Variants in TMC2 observed in about 807,000 individuals in gnomAD.
The protein encoded by TMC2 is transmembrane channel-like protein 2.
A neutral mutation model predicts 105.9 loss-of-function variants in TMC2; 102 were observed. The ratio of observed to expected loss-of-function variants is 0.96; its 90% CI spans 0.82 to 1.14. The LOEUF is 1.14. Ranked by LOEUF, TMC2 falls within the 50% of genes most tolerant of loss-of-function variation. The probability of loss-of-function intolerance (pLI) is 0.00; values close to 1 mark genes in which losing one functional copy is unlikely to be tolerated. For missense variants in TMC2, 1,093 were observed against 1,134.3 expected, an observed-to-expected ratio of 0.96 and a Z score of 0.52; for synonymous variants, 402 against 422.8, an observed-to-expected ratio of 0.95 and a Z score of 0.60.
intron 16 of TMC2, among the ~76,000 whole-genome samples, chr20:2,622,554 C>G (rs2086532990): frequency 6.6e-6 from 1 of 152,068 alleles, no homozygotes; most frequent in Admixed American, 6.6e-5. Context: ...TGTAATCCAC[C>G]AGGCATTGTG....
In TMC2 at chr20:2,594,898, G is replaced by A. The variant is rs138292313; in HGVS notation, c.1007G>A (p.Arg336Gln). The change falls in exon 9 of 20, where the codon CGG (arginine) becomes CAG (glutamine). Residue 336 changes from arginine to glutamine, a missense_variant. By Grantham distance (43) the Arg-to-Gln change is conservative. Transcript: ENST00000358864. Reference sequence around the variant, plus strand: ...AGGACCATCGGGTGGCTGAGGTACCGGCTGCCTATGGCTTACTTTATGGTG... The same window carrying A: ...AGGACCATCGGGTGGCTGAGGTACCAGCTGCCTATGGCTTACTTTATGGTG... ...NQRTIGWLRY[R>Q]LPMAYFMVGV... 84 of 1,613,976 alleles carry A rather than the reference G, an allele frequency of 5.2e-5. No individual in the cohort carries two copies. Among genetic ancestry groups the A allele is most frequent in the African/African-American group, 2.0e-4 (15 of 74,900 alleles).
Position 2,616,104 on chromosome 20 carries a change from TCTC to T in TMC2, c.1873-32_1873-30del. ...TTCACCAAACGTGCTTTTTTTTTTC[TCTC>T]TCTCTCTCGCTCCCTCCCTCCCTCT... On this transcript the variant is annotated intron_variant, in intron 14 of 19. Coordinates refer to ENST00000358864, the MANE Select transcript of TMC2 (RefSeq NM_080751.3). This position sits in a 1 kb window ranked among gnomAD's most constrained non-coding sequence, Gnocchi z 4.8. The T allele has an allele frequency of 6.5e-7, 1 of 1,537,252 alleles. No individual in the cohort carries two copies. The highest frequency in any genetic ancestry group is 1.7e-5 in the Admixed American group (1 of 58,596).
chr20:2,559,225 G>T (rs1382303985), intron 3 of TMC2, among the ~76,000 whole-genome samples: 1 of 152,344 alleles, frequency 6.6e-6, no homozygotes, highest in Non-Finnish European at 1.5e-5. Flanking sequence ...CCTCGTTCCG[G>T]CTTCCGGATC....
Position 2,579,970 on chromosome 20 carries a change from G to C in TMC2, c.748G>C (p.Ala250Pro). ...TCTAGGTCACTTTGGTTCTTCAGTG[G>C]CATCGTATTTCATCTTTCTCCGATG... ...DIESHFGSSV[A>P]SYFIFLRWMY... The change falls in exon 7 of 20, where the codon GCA (alanine) becomes CCA (proline). Residue 250 changes from alanine (A) to proline (P), a missense_variant. Ala to Pro is a conservative substitution (Grantham distance 27, BLOSUM62 -1). Coordinates refer to ENST00000358864, the MANE Select transcript of TMC2 (RefSeq NM_080751.3). The C allele has an allele frequency of 6.2e-7, 1 of 1,613,698 alleles. No homozygotes were observed. Among genetic ancestry groups the C allele is most frequent in the Middle Eastern group, 1.7e-4 (1 of 6,060 alleles).
At chr20:2,623,037 G>T (rs75298178) in intron 16 of TMC2, among the ~76,000 whole-genome samples, 1 of 151,956 alleles carries the variant, frequency 6.6e-6, no homozygotes, top group Non-Finnish European at 1.5e-5. Flanking sequence ...ACATCCAATA[G>T]AACTTACTGT....
intron 2 of TMC2, among the ~76,000 whole-genome samples, chr20:2,546,207 T>C (rs1278203788): frequency 6.6e-6 from 1 of 152,144 alleles, no homozygotes; most frequent in Non-Finnish European, 1.5e-5. Context: ...TTGAGTTCAG[T>C]TACCCAGGAA....
Position 2,594,140 on chromosome 20 carries a change from A to T in TMC2, c.934-685A>T, listed in dbSNP as rs367705477. Among the ~76,000 whole-genome samples the T allele has an allele frequency of 1.1e-4, 16 of 151,412 alleles. 1 individual carries two copies. Among genetic ancestry groups the T allele is most frequent in the Admixed American group, 9.2e-4 (14 of 15,196 alleles). On this transcript the variant is annotated intron_variant, in intron 8 of 19. Transcript: ENST00000358864. ...CCCACAGCAAGTCATTGCTGCTGCC[A>T]TCCTTCACTCTCAAAGTCAGATTGG...
At chr20:2,640,468 C>G (rs1314629579) in intron 19 of TMC2, among the ~76,000 whole-genome samples, 1 of 152,162 alleles carries the variant, frequency 6.6e-6, no homozygotes, top group Non-Finnish European at 1.5e-5. Context: ...ACACAAAGTC[C>G]AAACTGGGTG....
chr20:2,636,213 G>T (rs745625173), intron 18 of TMC2, among the ~76,000 whole-genome samples: 5 of 152,118 alleles, frequency 3.3e-5, no homozygotes, highest in African/African-American at 4.8e-5. Flanking sequence ...TGACAATAAT[G>T]ACTTAAATTT....
chr20:2,593,241 G>C (rs1023414377), intron 8 of TMC2, among the ~76,000 whole-genome samples: 2 of 152,136 alleles, frequency 1.3e-5, no homozygotes, highest in Admixed American at 6.5e-5. Flanking sequence ...CATGAGAACA[G>C]CATGGGGGAA....
Position 2,641,489 on chromosome 20 carries a change from G to A in TMC2, c.*138G>A. 1.6e-6 allele frequency: 1 copy of A among 621,790 alleles called. No homozygotes were observed. Among genetic ancestry groups the A allele is most frequent in the Non-Finnish European group, 2.8e-6 (1 of 353,148 alleles). 38.5% of individuals were successfully genotyped at this position (621,790 alleles called of 1,614,324 possible). A position where few individuals can be genotyped will look rare whatever the true frequency, so the allele number is the denominator to read the frequency against. On this transcript the variant is annotated 3_prime_UTR_variant, in exon 20 of 20. Coordinates refer to ENST00000358864, the MANE Select transcript of TMC2 (RefSeq NM_080751.3). Reference sequence around the variant, plus strand: ...TCCTCTCTTGGAATGCATGAACTTTGATTCCTTCAGGCCCTTGTCAGCTAC... The same window carrying A: ...TCCTCTCTTGGAATGCATGAACTTTAATTCCTTCAGGCCCTTGTCAGCTAC...
At chr20:2,612,466 A>G (rs2146239829) in intron 13 of TMC2, 126 bp downstream of exon 13, 1 of 941,602 alleles carries the variant, frequency 1.1e-6, no homozygotes, top group Non-Finnish European at 1.5e-6. Context: ...AACATTTCAT[A>G]ATCATCTAGG....
chr20:2,606,891 CTTTTTTTTTTTT>C (rs11476357), intron 11 of TMC2, among the ~76,000 whole-genome samples: 1 of 83,980 alleles, frequency 1.2e-5, no homozygotes, highest in South Asian at 4.0e-4. Context: ...TTTCTTTTTT[CTTTTTTTTTTTT>C]TTTTTTTGCA....
At chr20:2,634,280 C>G (rs1020056635) in intron 17 of TMC2, among the ~76,000 whole-genome samples, 1 of 152,172 alleles carries the variant, frequency 6.6e-6, no homozygotes, top group African/African-American at 2.4e-5. Context: ...CCTTCAGCAC[C>G]CTCTCTGGTA....
intron 17 of TMC2, among the ~76,000 whole-genome samples, chr20:2,625,221 A>G (rs79203007): frequency 0.025 from 3,785 of 152,310 alleles, 68 homozygotes; most frequent in Non-Finnish European, 0.038. Context: ...ATGCTTTTTT[A>G]AAAATTATGA....
At position 2,537,290 on chromosome 20, in the gene TMC2, G is replaced by A. The variant is rs373055246; in HGVS notation, c.56G>A (p.Arg19Gln). 75 of 1,604,046 alleles carry A rather than the reference G, an allele frequency of 4.7e-5. No homozygotes were observed. Among genetic ancestry groups the A allele is most frequent in the East Asian group, 2.7e-4 (12 of 44,488 alleles). ...KEEARGGVKG[R>Q]VKSGSPHTGD... The stretch of plus-strand genomic sequence containing the variant: ...ACAGCACGAGGCGGAGTGAAAGGGC[G>A]GGTGAAGAGCGGCTCTCCACACACA... The change falls in exon 2 of 20, where the codon CGG becomes CAG. Residue 19 changes from arginine (R) to glutamine (Q), a missense_variant. Arg to Gln is a conservative substitution (Grantham distance 43, BLOSUM62 1). Coordinates refer to ENST00000358864, the MANE Select transcript of TMC2 (RefSeq NM_080751.3).
chr20:2,599,049 G>T (rs866989739), intron 10 of TMC2, among the ~76,000 whole-genome samples: 1 of 152,024 alleles, frequency 6.6e-6, no homozygotes, highest in Non-Finnish European at 1.5e-5. Context: ...GGTTGGGTTT[G>T]CATATTTAAA....
intron 7 of TMC2, among the ~76,000 whole-genome samples, chr20:2,590,366 A>T (rs1430449217): frequency 6.6e-6 from 1 of 152,136 alleles, no homozygotes; most frequent in Admixed American, 6.5e-5. Context: ...CTGTTTCTTA[A>T]GCTAGCTAGT....
At position 2,637,493 on chromosome 20, in the gene TMC2, G is replaced by GCCACAAA; in HGVS notation, c.2405_2406insCCACAAA (p.Val806GlnfsTer17). On this transcript the variant is annotated frameshift_variant, in exon 19 of 20. Transcript: ENST00000358864. LOFTEE classifies it high-confidence loss of function. ...CTGCAGCTCCGTGAAGTTGAGAAGA[G>GCCACAAA]TCACAAATCTGTAAAAGGCAAAGCC... 6.2e-7 allele frequency: 1 copy of GCCACAAA among 1,613,676 alleles called. No homozygotes were observed.
Sources: allele counts gnomAD v4.1 joint callset (sites outside exome capture counted in the v4.1 genomes callset), GRCh38; gene constraint gnomAD v4.1.1; non-coding constraint Gnocchi (gnomAD v3.1); transcripts MANE v1.5; gene names NCBI Gene and HGNC (gene_info 2026-07-23, HGNC 2026-07-21).